KCNH5: variants seen among roughly 807,000 people sequenced by gnomAD.
KCNH5 encodes the protein voltage-gated delayed rectifier potassium channel KCNH5.
Under a neutral mutation model 96.1 loss-of-function variants are expected in KCNH5, and 46 were observed. That is an observed-to-expected ratio of 0.48 (90% CI 0.38 to 0.61). The LOEUF (loss-of-function observed/expected upper bound fraction) is 0.61. KCNH5 is among the 20% of genes least tolerant of loss of function. The pLI is 0.00. For synonymous variants in KCNH5, 439 were observed against 449.8 expected (o/e 0.98, Z 0.30); for missense variants, 907 against 1,225.8 (o/e 0.74, Z 3.88).
chr14:62,895,091 T>A (rs533755842), intron 7 of KCNH5, among the ~76,000 whole-genome samples: 10 of 152,338 alleles, frequency 6.6e-5, no homozygotes, highest in East Asian at 1.9e-4. Context: ...ATAATTCCCA[T>A]GTGCTCAATT....
chr14:62,868,168 A>G (rs558276382), intron 7 of KCNH5, among the ~76,000 whole-genome samples: 1 of 152,240 alleles, frequency 6.6e-6, no homozygotes, highest in South Asian at 2.1e-4. Context: ...ATCTGATGTC[A>G]TGTGGTAGCT....
At chr14:62,772,029 T>C (rs1437965910) in intron 10 of KCNH5, among the ~76,000 whole-genome samples, 1 of 152,176 alleles carries the variant, frequency 6.6e-6, no homozygotes, top group Non-Finnish European at 1.5e-5. Context: ...TTTTTCAAAA[T>C]TCAGTTTACA....
intron 1 of KCNH5, among the ~76,000 whole-genome samples, chr14:63,041,982 C>T (rs1891833193): frequency 6.6e-6 from 1 of 152,068 alleles, no homozygotes; most frequent in Admixed American, 6.6e-5. Flanking sequence ...ACACTTCTTG[C>T]TTTTTTGTTT....
intron 6 of KCNH5, among the ~76,000 whole-genome samples, chr14:62,976,659 G>A (rs1407643282): frequency 6.6e-6 from 1 of 152,170 alleles, no homozygotes; most frequent in East Asian, 1.9e-4. Flanking sequence ...CAGAGAAGGT[G>A]TATGAAACTT....
intron 5 of KCNH5, among the ~76,000 whole-genome samples, chr14:62,984,955 A>C (rs1211748912): frequency 1.3e-5 from 2 of 152,188 alleles, no homozygotes; most frequent in South Asian, 2.1e-4. Flanking sequence ...TGTAACAGAC[A>C]AAAGAAAAAT....
intron 8 of KCNH5, among the ~76,000 whole-genome samples, chr14:62,826,408 A>ATGTGTGTGTGTGTGTGTGTGTG (rs71451280): frequency 1.4e-5 from 2 of 141,984 alleles, no homozygotes; most frequent in Non-Finnish European, 3.1e-5. Flanking sequence ...GCGTGCGTGC[A>ATGTGTGTGTGTGTGTGTGTGTG]TGTGTGTGTG....
chr14:62,825,123 A>T (rs1267908921), intron 8 of KCNH5, among the ~76,000 whole-genome samples: 1 of 152,056 alleles, frequency 6.6e-6, no homozygotes, highest in Admixed American at 6.6e-5. Context: ...ATATATACCT[A>T]GTAATTGAAA....
chr14:62,848,516 TA>T (rs1887741878), intron 8 of KCNH5, among the ~76,000 whole-genome samples: 1 of 152,102 alleles, frequency 6.6e-6, no homozygotes, highest in Non-Finnish European at 1.5e-5. Context: ...TGCCCCCAAG[TA>T]TCTCACCTGC....
chr14:62,802,135 C>A (rs2139999720), intron 9 of KCNH5, among the ~76,000 whole-genome samples, 194 bp downstream of exon 9: 2 of 152,268 alleles, frequency 1.3e-5, no homozygotes, highest in East Asian at 3.9e-4. Context: ...TCAAACTCAG[C>A]CCATTAGGTT....
intron 10 of KCNH5, among the ~76,000 whole-genome samples, chr14:62,720,479 A>T (rs536504772): frequency 6.6e-6 from 1 of 152,302 alleles, no homozygotes; most frequent in Admixed American, 6.5e-5. Context: ...GCTACTCGGG[A>T]GGCTGAGGCA....
At chr14:62,913,137 T>C (rs1012641202) in intron 7 of KCNH5, among the ~76,000 whole-genome samples, 1 of 152,204 alleles carries the variant, frequency 6.6e-6, no homozygotes, top group Non-Finnish European at 1.5e-5. Flanking sequence ...AGCTGCAGAA[T>C]AAATCTGATG....
chr14:62,784,186 C>T lies in KCNH5; in HGVS notation c.1823-4262G>A, dbSNP rs557269666. On this transcript the variant is annotated intron_variant, in intron 9 of 10. Coordinates refer to ENST00000322893, the MANE Select transcript of KCNH5 (RefSeq NM_139318.5). ...CGTCTTACACGGTGGCAGGCAAGAG[C>T]GCTTGTACAGGGGAACTCCCATTTA... Among the ~76,000 whole-genome samples the T allele has an allele frequency of 3.0e-3, 453 of 152,214 alleles. 4 individuals are homozygous for T. The highest frequency in any genetic ancestry group is 0.01 in the African/African-American group (433 of 41,544).
Position 62,980,896 on chromosome 14 carries a change from G to C in KCNH5, c.918C>G (p.Ile306Met). The C allele has an allele frequency of 1.2e-6, 2 of 1,613,948 alleles. No homozygotes were observed. The highest frequency in any genetic ancestry group is 2.2e-5 in the South Asian group (2 of 91,004). The change falls in exon 6 of 11, where the codon ATC (isoleucine) becomes ATG (methionine). Residue 306 changes from isoleucine (I) to methionine (M), a missense_variant. By Grantham distance (10) the Ile-to-Met change is conservative. Coordinates refer to ENST00000322893, the MANE Select transcript of KCNH5 (RefSeq NM_139318.5). ...CCTCATCCACATTTTCAAAGGCATT[G>C]ATGATGTCATAAGGTAAACAAGACA... ...DLLSCLPYDI[I>M]NAFENVDEGI...
chr14:62,725,149 T>C (rs1370506849), intron 10 of KCNH5, among the ~76,000 whole-genome samples: 1 of 152,252 alleles, frequency 6.6e-6, no homozygotes, highest in Non-Finnish European at 1.5e-5. Flanking sequence ...CTGTGATTTA[T>C]TCTATTCAAA....
At chr14:62,943,073 T>C (rs1369805012) in intron 7 of KCNH5, among the ~76,000 whole-genome samples, 15 of 152,150 alleles carry the variant, frequency 9.9e-5, no homozygotes, top group African/African-American at 3.1e-4. Flanking sequence ...AACATATATA[T>C]GGAGAGAGAA....
chr14:62,800,844 C>T (rs1886645412), intron 9 of KCNH5, among the ~76,000 whole-genome samples: 1 of 151,848 alleles, frequency 6.6e-6, no homozygotes, highest in Non-Finnish European at 1.5e-5. Flanking sequence ...ATATTTATCT[C>T]CTTTATACTC....
chr14:62,819,427 G>T (rs1166621062), intron 8 of KCNH5, among the ~76,000 whole-genome samples: 1 of 152,122 alleles, frequency 6.6e-6, no homozygotes, highest in Non-Finnish European at 1.5e-5. Flanking sequence ...CATAGACACA[G>T]AAAATAGAAC....
intron 6 of KCNH5, among the ~76,000 whole-genome samples, chr14:62,961,551 G>C (rs1048940858): frequency 6.6e-6 from 1 of 152,302 alleles, no homozygotes; most frequent in African/African-American, 2.4e-5. Context: ...AGTTGAAGCA[G>C]AGTAAGACTG....
chr14:62,997,685 C>G (rs1462417785), intron 4 of KCNH5, among the ~76,000 whole-genome samples: 1 of 151,634 alleles, frequency 6.6e-6, no homozygotes, highest in Non-Finnish European at 1.5e-5. Flanking sequence ...ATCACGAGGT[C>G]AGGAGATCGA....
Sources: gnomAD v4.1 joint callset for allele counts (sites outside exome capture counted in the v4.1 genomes callset) on GRCh38, gnomAD v4.1.1 for gene constraint, MANE v1.5 for transcripts, NCBI Gene and HGNC (gene_info 2026-07-23, HGNC 2026-07-21) for gene names.